MAPK14: variants seen among roughly 807,000 people sequenced by gnomAD.
The protein encoded by MAPK14 is mitogen-activated protein kinase 14.
In MAPK14, 16 loss-of-function variants were observed where a neutral mutation model predicts 49.6. That is an observed-to-expected ratio of 0.32 (90% CI 0.22 to 0.49). The LOEUF is 0.49. Among genes scored for constraint, MAPK14 ranks in the 20% least tolerant of loss-of-function variants. The probability of loss-of-function intolerance (pLI) is 0.99; values close to 1 mark genes in which losing one functional copy is unlikely to be tolerated. For synonymous variants in MAPK14, 142 were observed against 158.0 expected, an observed-to-expected ratio of 0.90 and a Z score of 0.76; for missense variants, 200 against 441.2, an observed-to-expected ratio of 0.45 and a Z score of 4.90.
chr6:36,059,441 C>T, intron 3 of MAPK14, 94 bp downstream of exon 3: 1 of 895,664 alleles, frequency 1.1e-6, no homozygotes, highest in Non-Finnish European at 1.8e-6. Context: ...ATATAGACTT[C>T]AAAAAATTCT....
intron 9 of MAPK14, chr6:36,100,060 G>A (rs1765579657): frequency 1.2e-5 from 8 of 658,698 alleles, no homozygotes; most frequent in East Asian, 2.7e-5. Context: ...GTGGGCTCTC[G>A]GGTAGGGGGA....
chr6:36,027,911 T>C lies in MAPK14; in HGVS notation c.-247T>C, dbSNP rs2127384602. ...TGCAGGGAGATCGCGGCGGGCGCAG[T>C]CTTGAGCGCCGGAGCGCGTCCCTGC... On this transcript the variant is annotated 5_prime_UTR_variant, in exon 1 of 12. Transcript: ENST00000229794. 2.4e-6 allele frequency: 1 copy of C among 414,106 alleles called. No individual in the cohort carries two copies. The highest frequency in any genetic ancestry group is 3.6e-5 in the East Asian group (1 of 28,084). 25.7% of individuals were successfully genotyped at this position (414,106 alleles called of 1,614,324 possible). A position where few individuals can be genotyped will look rare whatever the true frequency, so the allele number is the denominator to read the frequency against.
At chr6:36,081,231 A>G (rs1024503229) in intron 8 of MAPK14, among the ~76,000 whole-genome samples, 2 of 151,940 alleles carry the variant, frequency 1.3e-5, no homozygotes, top group Non-Finnish European at 2.9e-5. Flanking sequence ...GTCATATTTT[A>G]GACTGTATTG....
At chr6:36,046,268 A>G (rs901864727) in intron 1 of MAPK14, among the ~76,000 whole-genome samples, 4 of 152,242 alleles carry the variant, frequency 2.6e-5, no homozygotes, top group Non-Finnish European at 5.9e-5. Context: ...ATAATTTTGG[A>G]AAAGTTCATG....
chr6:36,051,170 C>T (rs543247432), intron 1 of MAPK14, among the ~76,000 whole-genome samples: 2 of 150,364 alleles, frequency 1.3e-5, no homozygotes, highest in African/African-American at 2.5e-5. Context: ...GGCTGGAGTG[C>T]GATGGTGCAA....
At position 36,096,089 on chromosome 6, in the gene MAPK14, T is replaced by C. The variant is rs747187727; in HGVS notation, c.762+23T>C. 3 of 1,567,690 alleles carry C rather than the reference T, an allele frequency of 1.9e-6. No individual in the cohort carries two copies. The South Asian group carries it at 3.3e-5, about 17-fold the overall frequency. ...TCTGTGAGTTGATGCTTTGTAATTA[T>C]CTGCCCTGTTGGGAGCCTCTGCCAC... On this transcript the variant is annotated intron_variant, in intron 9 of 11. Coordinates refer to ENST00000229794, the MANE Select transcript of MAPK14 (RefSeq NM_139012.3).
chr6:36,089,153 C>T (rs1765115235), intron 8 of MAPK14, among the ~76,000 whole-genome samples: 1 of 152,038 alleles, frequency 6.6e-6, no homozygotes, highest in African/African-American at 2.4e-5. Context: ...TGGAATCAAC[C>T]CAAATGCCCA....
intron 9 of MAPK14, chr6:36,096,460 A>G (rs1169361204): frequency 6.0e-6 from 1 of 167,528 alleles, no homozygotes; most frequent in East Asian, 1.7e-4. Flanking sequence ...CACTGTTTCT[A>G]GTGTTTGTTC....
chr6:36,114,948 CA>C (rs955860532), downstream of MAPK14, among the ~76,000 whole-genome samples: 1 of 152,152 alleles, frequency 6.6e-6, no homozygotes, highest in African/African-American at 2.4e-5. Context: ...CACGAGTTGA[CA>C]GGGGGCATCG....
chr6:36,073,433 A>G (rs1486141978), intron 4 of MAPK14, among the ~76,000 whole-genome samples: 1 of 152,228 alleles, frequency 6.6e-6, no homozygotes, highest in Non-Finnish European at 1.5e-5. Context: ...CATCTTTGAT[A>G]TTTAGCTGCT....
In MAPK14 at chr6:36,028,340, C is replaced by A; in HGVS notation, c.116+67C>A. On this transcript the variant is annotated intron_variant, in intron 1 of 11. Coordinates refer to ENST00000229794, the MANE Select transcript of MAPK14 (RefSeq NM_139012.3). This position sits in a 1 kb window ranked among gnomAD's most constrained non-coding sequence, Gnocchi z 5.1. ...CCCTCGCGCCCGAGGGCCAGGCCTG[C>A]TCCACTGCTCAGCGTTGCGTCAAGT... is the stretch of plus-strand genomic sequence containing the variant. The A allele has an allele frequency of 9.1e-7, 1 of 1,099,320 alleles. No individual in the cohort carries two copies. Among genetic ancestry groups the A allele is most frequent in the Non-Finnish European group, 1.4e-6 (1 of 721,248 alleles). 68.1% of individuals were successfully genotyped at this position (1,099,320 alleles called of 1,614,324 possible). A position where few individuals can be genotyped will look rare whatever the true frequency, so the allele number is the denominator to read the frequency against.
intron 8 of MAPK14, among the ~76,000 whole-genome samples, chr6:36,088,392 G>C (rs1476861248): frequency 1.3e-5 from 2 of 152,028 alleles, no homozygotes; most frequent in Admixed American, 1.3e-4. Flanking sequence ...AATCTACAAG[G>C]AATTTAAACA....
the MAPK14 span, among the ~76,000 whole-genome samples, chr6:36,117,544 G>A: frequency 6.6e-6 from 1 of 152,112 alleles, no homozygotes; most frequent in African/African-American, 2.4e-5. Context: ...AATGATCATT[G>A]GTGGCACTGA....
intron 3 of MAPK14, among the ~76,000 whole-genome samples, chr6:36,066,756 GTGTA>G (rs1388232417): frequency 2.0e-5 from 3 of 151,858 alleles, no homozygotes; most frequent in Admixed American, 6.6e-5. Context: ...GTGTGTGTGT[GTGTA>G]TGTGTGTATG....
chr6:36,060,694 G>A (rs1464663694), intron 3 of MAPK14, among the ~76,000 whole-genome samples: 1 of 152,110 alleles, frequency 6.6e-6, no homozygotes, highest in Non-Finnish European at 1.5e-5. Flanking sequence ...AAGGGGATAT[G>A]TTTGAACTTC....
intron 3 of MAPK14, among the ~76,000 whole-genome samples, chr6:36,067,230 A>C (rs1764096260): frequency 6.6e-6 from 1 of 152,190 alleles, no homozygotes; most frequent in Admixed American, 6.5e-5. Context: ...AAAGGTAAAG[A>C]AGCTTCAAGG....
chr6:36,053,713 A>T (rs1338951438), intron 2 of MAPK14, among the ~76,000 whole-genome samples: 1 of 152,200 alleles, frequency 6.6e-6, no homozygotes, highest in Non-Finnish European at 1.5e-5. Flanking sequence ...TGAATTTATT[A>T]TTTGACTATT....
intron 1 of MAPK14, 106 bp from the exon 2 acceptor site, chr6:36,052,593 G>T (rs1192558840): frequency 3.2e-6 from 3 of 951,848 alleles, no homozygotes; most frequent in Non-Finnish European, 2.9e-6. Flanking sequence ...CTTTTTTTTG[G>T]TATTTTGTTA....
intron 10 of MAPK14, among the ~76,000 whole-genome samples, chr6:36,103,808 T>G (rs749534582): frequency 7.9e-5 from 12 of 152,194 alleles, no homozygotes; most frequent in Non-Finnish European, 1.3e-4. Flanking sequence ...GGAGCTATGC[T>G]ATGGTAACGA....
Sources: allele counts gnomAD v4.1 joint callset (sites outside exome capture counted in the v4.1 genomes callset), GRCh38; gene constraint gnomAD v4.1.1; non-coding constraint Gnocchi (gnomAD v3.1); transcripts MANE v1.5; gene names NCBI Gene and HGNC (gene_info 2026-07-23, HGNC 2026-07-21).